PCDH11X: variants seen among roughly 807,000 people sequenced by gnomAD.
The protein encoded by PCDH11X is protocadherin-11 X-linked.
In PCDH11X, 18 loss-of-function variants were observed where a neutral mutation model predicts 53.3. That is an observed-to-expected ratio of 0.34 (90% confidence interval 0.23 to 0.50). The LOEUF is 0.50. Among genes scored for constraint, PCDH11X ranks in the 20% least tolerant of loss-of-function variants. The pLI is 0.98. For missense variants in PCDH11X, 570 were observed against 1,032.4 expected, an observed-to-expected ratio of 0.55 and a Z score of 6.14; for synonymous variants, 279 against 393.3, an observed-to-expected ratio of 0.71 and a Z score of 3.44.
chrX:92,489,851 G>A (rs1345774292), intron 10 of PCDH11X, among the ~76,000 whole-genome samples: 2 of 101,571 alleles, frequency 2.0e-5, no homozygotes, highest in Non-Finnish European at 4.0e-5. Context: ...TATCACATCA[G>A]CCACTTTACT....
In PCDH11X at chrX:91,877,398, G is replaced by A. The variant is rs1325521634; in HGVS notation, c.1158G>A (p.Thr386=). 6 of 1,209,067 alleles carry A rather than the reference G, an allele frequency of 5.0e-6. No individual in the cohort carries two copies. The highest frequency in any genetic ancestry group is 3.5e-5 in the African/African-American group (2 of 57,008). The change falls in exon 6 of 11, where the codon ACG becomes ACA. Residue 386 remains threonine (T), a synonymous_variant. Coordinates refer to ENST00000682573, the MANE Select transcript of PCDH11X (RefSeq NM_032968.5). ...CCAAAATTGCTCTCATAACTGTGAC[G>A]GATAAGGATGCGGACCATAATGGCA... ...LNTKIALITV[T]DKDADHNGRV...
intron 6 of PCDH11X, among the ~76,000 whole-genome samples, chrX:92,120,444 C>T (rs756453586): frequency 8.9e-6 from 1 of 112,830 alleles, no homozygotes; most frequent in South Asian, 3.6e-4. Context: ...AGGCGTGCGC[C>T]ACCGCGCCTG....
intron 8 of PCDH11X, among the ~76,000 whole-genome samples, chrX:92,312,511 G>T (rs747276954): frequency 1.8e-5 from 2 of 110,310 alleles, no homozygotes; most frequent in South Asian, 7.7e-4. Context: ...AAAAGGTTTT[G>T]ACTAATGTAC....
chrX:92,145,314 C>T (rs2065251259), intron 6 of PCDH11X, among the ~76,000 whole-genome samples: 1 of 111,270 alleles, frequency 9.0e-6, no homozygotes. Context: ...CAAATATCTA[C>T]AGCTTTTATT....
intron 8 of PCDH11X, among the ~76,000 whole-genome samples, chrX:92,364,916 A>G (rs1360834476): frequency 5.2e-5 from 1 of 19,366 alleles, no homozygotes; most frequent in Admixed American, 9.5e-4. Flanking sequence ...CCTTTCTACA[A>G]AAAAAAAAAA....
At chrX:91,895,920 C>T (rs1940734584) in intron 6 of PCDH11X, among the ~76,000 whole-genome samples, 1 of 101,585 alleles carries the variant, frequency 9.8e-6, no homozygotes, top group Admixed American at 1.1e-4. Flanking sequence ...TACATATACA[C>T]GTATATTATG....
rs188747940 is a variant in PCDH11X, at chrX:92,397,868, A to G, written c.3343+9935A>G. ...AATCCATTGCAAACTTTGCAGTAAT[A>G]ATGTTTTCTAATTTCTCTTCCCCCA... is the stretch of plus-strand genomic sequence containing the variant. On this transcript the variant is annotated intron_variant, in intron 9 of 10. Coordinates refer to ENST00000682573, the MANE Select transcript of PCDH11X (RefSeq NM_032968.5). Among the ~76,000 whole-genome samples, 909 of 111,784 alleles carry G rather than the reference A, an allele frequency of 8.1e-3. 15 individuals are homozygous for G. The highest frequency in any genetic ancestry group is 0.029 in the African/African-American group (878 of 30,795).
At chrX:92,494,051 A>G (rs1376332135) in intron 10 of PCDH11X, among the ~76,000 whole-genome samples, 1 of 106,855 alleles carries the variant, frequency 9.4e-6, no homozygotes, top group East Asian at 3.0e-4. Flanking sequence ...AAGGAAAATG[A>G]GAAGCATCTG....
In PCDH11X at chrX:92,546,970, C is replaced by T. The variant is rs192103515; in HGVS notation, c.3368-71294C>T. Among the ~76,000 whole-genome samples the T allele has an allele frequency of 6.7e-4, 74 of 111,051 alleles. 1 individual carries two copies. The highest frequency in any genetic ancestry group is 2.4e-3 in the African/African-American group (72 of 30,519). ...TTCTCCTCACTGTGTCTTTGCAACA[C>T]GCCTTAGCACAGTATCTTATTGACC... On this transcript the variant is annotated intron_variant, in intron 10 of 10. Coordinates refer to ENST00000682573, the MANE Select transcript of PCDH11X (RefSeq NM_032968.5).
chrX:92,128,693 C>G (rs935529438), intron 6 of PCDH11X, among the ~76,000 whole-genome samples: 12 of 110,484 alleles, frequency 1.1e-4, no homozygotes, highest in African/African-American at 4.0e-4. Context: ...GCCACCACAC[C>G]TGGCCTCAGC....
chrX:92,364,254 C>T (rs2070411830), intron 8 of PCDH11X, among the ~76,000 whole-genome samples: 1 of 111,541 alleles, frequency 9.0e-6, no homozygotes, highest in African/African-American at 3.3e-5. Context: ...AGTGTACTTA[C>T]ATGAACTTAC....
In PCDH11X at chrX:92,277,163, G is replaced by T. The variant is rs755450425; in HGVS notation, c.3144+14020G>T. ...AAGACTCAGTGACGCTTGGGGTTGGGACTGAGGGGACAGGCAGGAGGGAAA... is the reference window on the plus strand; with the variant it reads ...AAGACTCAGTGACGCTTGGGGTTGGTACTGAGGGGACAGGCAGGAGGGAAA... On this transcript the variant is annotated intron_variant, in intron 8 of 10. Transcript: ENST00000682573. Among the ~76,000 whole-genome samples, 6 of 110,109 alleles carry T rather than the reference G, an allele frequency of 5.4e-5. No individual in the cohort carries two copies. The South Asian group carries it at 2.4e-3, about 43-fold the overall frequency.
At chrX:92,330,861 G>A (rs1237662890) in intron 8 of PCDH11X, among the ~76,000 whole-genome samples, 1 of 97,885 alleles carries the variant, frequency 1.0e-5, no homozygotes, top group Non-Finnish European at 2.1e-5. Flanking sequence ...TCCAGAGCCT[G>A]AAAACTAAGC....
intron 8 of PCDH11X, among the ~76,000 whole-genome samples, chrX:92,360,586 A>C (rs1445736915): frequency 9.0e-6 from 1 of 110,592 alleles, no homozygotes; most frequent in Non-Finnish European, 1.9e-5. Flanking sequence ...AGATCTCTAG[A>C]GTAGAAATGC....
chrX:91,802,669 ATATC>A (rs1265417278), intron 1 of PCDH11X, among the ~76,000 whole-genome samples: 1 of 111,877 alleles, frequency 8.9e-6, no homozygotes, highest in Non-Finnish European at 1.9e-5. Flanking sequence ...GTCTGACTAA[ATATC>A]TATATAGAAT....
chrX:92,525,140 C>G (rs180748419), intron 10 of PCDH11X, among the ~76,000 whole-genome samples: 1 of 112,024 alleles, frequency 8.9e-6, no homozygotes, highest in Admixed American at 9.5e-5. Flanking sequence ...TGCAGTATTA[C>G]AATTAACATT....
intron 9 of PCDH11X, among the ~76,000 whole-genome samples, chrX:92,392,456 T>C (rs2071151461): frequency 9.1e-6 from 1 of 110,208 alleles, no homozygotes; most frequent in South Asian, 3.8e-4. Context: ...CAAGGCACTT[T>C]GATTGATCTT....
chrX:92,012,452 A>C (rs1159748381), intron 6 of PCDH11X, among the ~76,000 whole-genome samples: 1 of 111,668 alleles, frequency 9.0e-6, no homozygotes, highest in Non-Finnish European at 1.9e-5. Flanking sequence ...TTTTCCCTTA[A>C]AAATGTAGAG....
Position 91,836,291 on chromosome X carries a change from A to G in PCDH11X, c.540+247A>G, listed in dbSNP as rs1365631595. On this transcript the variant is annotated intron_variant, in intron 5 of 10. Coordinates refer to ENST00000682573, the MANE Select transcript of PCDH11X (RefSeq NM_032968.5). ...TTCCATTAATCTATAAAGGGATCAG[A>G]CAAGGTCAGCCCTGCTACTTACAAA... Among the ~76,000 whole-genome samples the G allele has an allele frequency of 1.9e-5, 2 of 103,255 alleles. 1 individual carries two copies. The highest frequency in any genetic ancestry group is 8.8e-5 in the African/African-American group (2 of 22,810). 89.7% of individuals were successfully genotyped at this position (103,255 alleles called of 115,157 possible).
Sources: allele counts gnomAD v4.1 joint callset (sites outside exome capture counted in the v4.1 genomes callset), GRCh38; gene constraint gnomAD v4.1.1; transcripts MANE v1.5; gene names NCBI Gene and HGNC (gene_info 2026-07-23, HGNC 2026-07-21).